Variants in PHACTR1 observed in about 807,000 individuals in gnomAD.
The protein encoded by PHACTR1 is RPEL repeat containing 1.
PHACTR1 carries 16 observed loss-of-function variants against 69.2 expected under a neutral mutation model. The observed-to-expected ratio is 0.23, with a 90% CI of 0.16 to 0.35. The LOEUF (loss-of-function observed/expected upper bound fraction) is 0.35, where lower values mean the gene tolerates loss of function less well. Ranked by LOEUF, PHACTR1 falls within the 10% of genes least tolerant of loss-of-function variation. The probability of loss-of-function intolerance (pLI) is 1.00; values close to 1 mark genes in which losing one functional copy is unlikely to be tolerated. For synonymous variants in PHACTR1, 312 were observed against 284.5 expected (o/e 1.10, Z -0.97); for missense variants, 510 against 734.7 (o/e 0.69, Z 3.54).
Position 12,896,085 on chromosome 6 carries a change from T to C in PHACTR1, c.250+146295T>C, listed in dbSNP as rs1019470830. On this transcript the variant is annotated intron_variant, in intron 4 of 14. Coordinates refer to ENST00000332995, the MANE Select transcript of PHACTR1 (RefSeq NM_030948.6). The stretch of plus-strand genomic sequence containing the variant: ...TGACTGGAACCCTTCAAACCTACTT[T>C]AGGGAATTAACAACAGAATTAATGC... Among the ~76,000 whole-genome samples, 7 of 152,238 alleles carry C rather than the reference T, an allele frequency of 4.6e-5. No homozygotes were observed. In the East Asian group the frequency reaches 1.2e-3, roughly 25 times the overall value.
At chr6:13,019,371 G>A (rs187232638) in intron 4 of PHACTR1, among the ~76,000 whole-genome samples, 1 of 152,302 alleles carries the variant, frequency 6.6e-6, no homozygotes, top group Admixed American at 6.5e-5. Flanking sequence ...TGCTGTTGCT[G>A]TTAGTGCCTA....
intron 5 of PHACTR1, among the ~76,000 whole-genome samples, chr6:13,087,113 A>G (rs1812442763): frequency 6.7e-6 from 1 of 148,160 alleles, no homozygotes; most frequent in Admixed American, 6.8e-5. Flanking sequence ...GAGTTTTCAG[A>G]CTGTTTTATA....
At chr6:13,284,543 A>AAAAAAAAAT (rs1554187813) in intron 13 of PHACTR1, among the ~76,000 whole-genome samples, 2 of 61,350 alleles carry the variant, frequency 3.3e-5, no homozygotes, top group African/African-American at 1.1e-4. Context: ...AAAAAAAAAA[A>AAAAAAAAAT]ATATATATAT....
At chr6:12,784,498 A>G (rs1771265450) in intron 4 of PHACTR1, among the ~76,000 whole-genome samples, 2 of 151,438 alleles carry the variant, frequency 1.3e-5, no homozygotes, top group African/African-American at 2.4e-5. Flanking sequence ...ATACACACAT[A>G]TATACATATG....
chr6:12,896,123 C>T lies in PHACTR1; in HGVS notation c.250+146333C>T, dbSNP rs75615069. 5.4e-3 allele frequency among the ~76,000 whole-genome samples: 815 copies of T among 152,294 alleles called. 10 individuals are homozygous for T. The highest frequency in any genetic ancestry group is 0.018 in the African/African-American group (757 of 41,564). On this transcript the variant is annotated intron_variant, in intron 4 of 14. Coordinates refer to ENST00000332995, the MANE Select transcript of PHACTR1 (RefSeq NM_030948.6). ...ACAGAATTAATGCAAATGGAGCAAA[C>T]GCCTAATAGACAACATGCCAATACC...
intron 10 of PHACTR1, among the ~76,000 whole-genome samples, chr6:13,230,705 T>C (rs995235454): frequency 2.0e-5 from 3 of 152,000 alleles, no homozygotes; most frequent in African/African-American, 7.3e-5. Context: ...CCAGGGAGAA[T>C]AATCATCTGT....
chr6:13,064,547 GATATATATATATATAT>G (rs1195089569), intron 5 of PHACTR1, among the ~76,000 whole-genome samples: 9 of 70,218 alleles, frequency 1.3e-4, no homozygotes, highest in South Asian at 4.9e-4. Context: ...GAAGGGAAAA[GATATATATATATATAT>G]ATATATATAT....
chr6:13,166,725 G>A (rs1282280765), intron 6 of PHACTR1, among the ~76,000 whole-genome samples: 2 of 152,116 alleles, frequency 1.3e-5, no homozygotes, highest in Non-Finnish European at 2.9e-5. Context: ...ATATAGCAAT[G>A]TCAGTCAATA....
At chr6:13,185,800 A>G (rs1762758277) in intron 7 of PHACTR1, among the ~76,000 whole-genome samples, 1 of 152,220 alleles carries the variant, frequency 6.6e-6, no homozygotes, top group Non-Finnish European at 1.5e-5. Context: ...ATTTTGACAA[A>G]TAATACCTAG....
chr6:13,067,401 C>A (rs1236342294), intron 5 of PHACTR1, among the ~76,000 whole-genome samples: 1 of 152,168 alleles, frequency 6.6e-6, no homozygotes, highest in African/African-American at 2.4e-5. Flanking sequence ...AAACATAATT[C>A]TTCTACACAT....
intron 12 of PHACTR1, chr6:13,279,752 C>T (rs1268875822): frequency 6.6e-6 from 1 of 152,236 alleles, no homozygotes; most frequent in African/African-American, 2.4e-5. Context: ...AGGTTGGACC[C>T]TTTACATCCT....
chr6:12,811,685 C>T (rs1276612896), intron 4 of PHACTR1, among the ~76,000 whole-genome samples: 1 of 152,058 alleles, frequency 6.6e-6, no homozygotes, highest in Non-Finnish European at 1.5e-5. Flanking sequence ...TGTTTTTTGC[C>T]TTTTTATTCT....
chr6:12,995,269 T>G (rs561298698), intron 4 of PHACTR1, among the ~76,000 whole-genome samples: 23 of 147,094 alleles, frequency 1.6e-4, no homozygotes, highest in African/African-American at 4.7e-4. Flanking sequence ...AAACAAAATA[T>G]ATAACTTCCA....
intron 5 of PHACTR1, among the ~76,000 whole-genome samples, chr6:13,134,149 C>A (rs1821105230): frequency 6.6e-6 from 1 of 152,064 alleles, no homozygotes; most frequent in Non-Finnish European, 1.5e-5. Context: ...CAGCCGCCCC[C>A]TCCAGGAGGT....
At chr6:13,003,547 G>T (rs1380420626) in intron 4 of PHACTR1, among the ~76,000 whole-genome samples, 1 of 151,836 alleles carries the variant, frequency 6.6e-6, no homozygotes, top group Non-Finnish European at 1.5e-5. Flanking sequence ...TTTCTAGAGT[G>T]CATTGGAAAG....
At chr6:13,136,566 C>A (rs1821578094) in intron 5 of PHACTR1, among the ~76,000 whole-genome samples, 1 of 152,262 alleles carries the variant, frequency 6.6e-6, no homozygotes, top group South Asian at 2.1e-4. Flanking sequence ...GCACTTTGGC[C>A]AGTTAGCCAA....
intron 5 of PHACTR1, among the ~76,000 whole-genome samples, chr6:13,118,715 G>A (rs1214901785): frequency 1.3e-5 from 2 of 152,124 alleles, no homozygotes; most frequent in African/African-American, 4.8e-5. Context: ...CTGATCTCGT[G>A]ATCTGCCTGC....
chr6:13,097,286 T>C (rs909751925), intron 5 of PHACTR1, among the ~76,000 whole-genome samples: 1 of 152,242 alleles, frequency 6.6e-6, no homozygotes, highest in African/African-American at 2.4e-5. Flanking sequence ...GGTGGATATA[T>C]TTCTTAAAAA....
intron 4 of PHACTR1, among the ~76,000 whole-genome samples, chr6:12,886,896 G>C (rs1249385131): frequency 1.3e-5 from 2 of 152,154 alleles, no homozygotes; most frequent in Non-Finnish European, 2.9e-5. Context: ...AGAGGGATGG[G>C]AGGTGTGAAT....
Sources: allele counts gnomAD v4.1 joint callset (sites outside exome capture counted in the v4.1 genomes callset), GRCh38; gene constraint gnomAD v4.1.1; transcripts MANE v1.5; gene names NCBI Gene and HGNC (gene_info 2026-07-23, HGNC 2026-07-21).